TMEM40: variants seen among roughly 807,000 people sequenced by gnomAD.
TMEM40 encodes transmembrane protein 40.
A neutral mutation model predicts 40.8 loss-of-function variants in TMEM40; 34 were observed. That is an observed-to-expected ratio of 0.83 (90% CI 0.63 to 1.11). The LOEUF (loss-of-function observed/expected upper bound fraction) is 1.11. TMEM40 is among the 50% of genes least tolerant of loss of function. The pLI, the probability that TMEM40 is intolerant of heterozygous loss-of-function variation, is 0.00. For missense variants in TMEM40, 296 were observed against 280.2 expected (o/e 1.06, Z -0.40); for synonymous variants, 106 against 107.0 (o/e 0.99, Z 0.06).
intron 11 of TMEM40, 56 bp from the exon 12 acceptor site, chr3:12,734,849 C>A: frequency 1.3e-6 from 2 of 1,567,518 alleles, no homozygotes; most frequent in South Asian, 1.2e-5. Context: ...CAGGCTTCAT[C>A]CCCACCATCA....
upstream of TMEM40, among the ~76,000 whole-genome samples, chr3:12,760,584 A>T (rs1243068356): frequency 6.6e-6 from 1 of 151,958 alleles, no homozygotes; most frequent in Non-Finnish European, 1.5e-5. Context: ...GCCTTATCTG[A>T]CCATCCTGCT....
chr3:12,747,311 C>G (rs995678911), intron 3 of TMEM40, among the ~76,000 whole-genome samples: 1 of 151,954 alleles, frequency 6.6e-6, no homozygotes, highest in African/African-American at 2.4e-5. Context: ...CCGGATCCCA[C>G]AAAGACCTCC....
At chr3:12,766,777 G>C (rs1160976412) in intron 1 of TMEM40, among the ~76,000 whole-genome samples, 1 of 152,178 alleles carries the variant, frequency 6.6e-6, no homozygotes, top group Non-Finnish European at 1.5e-5. Context: ...ACAGTTCACA[G>C]ATGCAGAAAC....
chr3:12,734,813 G>A lies in TMEM40; in HGVS notation c.683-20C>T, dbSNP rs748960905. The A allele has an allele frequency of 4.4e-6, 7 of 1,595,538 alleles. No homozygotes were observed. Among genetic ancestry groups the A allele is most frequent in the African/African-American group, 1.3e-5 (1 of 74,442 alleles). ...TGAACCCTGGAAGGCAAAGACCACA[G>A]GATGGCATGGGATTCTGAAGGCAGC... On this transcript the variant is annotated intron_variant, in intron 11 of 11. Transcript: ENST00000314124.
intron 10 of TMEM40, 66 bp downstream of exon 10, chr3:12,736,512 T>C: frequency 6.6e-7 from 1 of 1,519,056 alleles, no homozygotes; most frequent in East Asian, 2.5e-5. Flanking sequence ...AGTATGAAAA[T>C]GAATATTTCT....
rs935802110 is a variant in TMEM40 at position 12,734,221 on chromosome 3, G to C, written c.*553C>G. ...AGCCCCCATGCCTGGCTGCCATTTA[G>C]TTTCTGATGATCATTTTCCTGCCTT... On this transcript the variant is annotated 3_prime_UTR_variant, in exon 12 of 12. Transcript: ENST00000314124. 6.6e-6 allele frequency: 1 copy of C among 152,170 alleles called. No homozygotes were observed. The highest frequency in any genetic ancestry group is 1.5e-5 in the Non-Finnish European group (1 of 68,138). The allele number at this position is 152,170 out of a possible 1,614,324, so 9.4% of individuals were successfully genotyped here.
intron 1 of TMEM40, among the ~76,000 whole-genome samples, chr3:12,768,026 T>C (rs957702902): frequency 2.6e-5 from 4 of 152,120 alleles, no homozygotes; most frequent in Non-Finnish European, 1.5e-5. Flanking sequence ...TCTCACTGAC[T>C]TCAAGAATGA....
chr3:12,761,097 G>A (rs984741902), upstream of TMEM40, among the ~76,000 whole-genome samples: 8 of 152,218 alleles, frequency 5.3e-5, no homozygotes, highest in Non-Finnish European at 8.8e-5. Flanking sequence ...GTGTTCCAAG[G>A]ATATTCCATG....
upstream of TMEM40, among the ~76,000 whole-genome samples, chr3:12,762,434 G>A (rs1413236694): frequency 6.6e-6 from 1 of 152,176 alleles, no homozygotes; most frequent in Non-Finnish European, 1.5e-5. Context: ...CTGTGAGGGT[G>A]AGGGGGACCC....
intron 1 of TMEM40, among the ~76,000 whole-genome samples, chr3:12,764,941 G>A (rs1168731993): frequency 2.6e-5 from 4 of 151,720 alleles, no homozygotes; most frequent in African/African-American, 7.3e-5. Flanking sequence ...GCGCAATCTC[G>A]GCTCACTGCA....
chr3:12,741,865 C>T lies in TMEM40; in HGVS notation c.355+589G>A, dbSNP rs556694787. Among the ~76,000 whole-genome samples the T allele has an allele frequency of 3.6e-3, 550 of 152,030 alleles. 3 individuals carry two copies. The highest frequency in any genetic ancestry group is 0.012 in the African/African-American group (514 of 41,488). ...ATTCTGGCACTTTGGGAGGCCAAGGCCGGAGGATCACTTGAGCTCAGTAGT... is the reference window on the plus strand; with the variant it reads ...ATTCTGGCACTTTGGGAGGCCAAGGTCGGAGGATCACTTGAGCTCAGTAGT... On this transcript the variant is annotated intron_variant, in intron 5 of 11. Coordinates refer to ENST00000314124, the MANE Select transcript of TMEM40 (RefSeq NM_018306.4).
At chr3:12,738,619 C>A (rs1425762287) in intron 5 of TMEM40, 31 bp from the exon 6 acceptor site, 8 of 1,605,628 alleles carry the variant, frequency 5.0e-6, no homozygotes, top group Admixed American at 1.7e-5. Flanking sequence ...TGATCATATA[C>A]CCATGATCCT....
intron 3 of TMEM40, among the ~76,000 whole-genome samples, chr3:12,745,960 C>T (rs1033369229): frequency 1.3e-5 from 2 of 151,558 alleles, no homozygotes; most frequent in Non-Finnish European, 2.9e-5. Flanking sequence ...TGCAGCGGTG[C>T]AATCTCAGCT....
intron 5 of TMEM40, chr3:12,739,139 G>C (rs867332092): frequency 6.5e-6 from 1 of 152,764 alleles, no homozygotes; most frequent in African/African-American, 2.4e-5. Context: ...GCGACAGAGC[G>C]ATACTCCATC....
Position 12,755,060 on chromosome 3 carries a change from C to CTTCTTTCCTTCT in TMEM40, c.-9+4119_-9+4130dup, listed in dbSNP as rs1306462614. On this transcript the variant is annotated intron_variant, in intron 1 of 11. Transcript: ENST00000314124. ...CCTCCTTTCTTTCTTCCTTTCCTTCCTTCTTTCCTTCTTTCTTTCCTCTCT... is the reference window on the plus strand; with the variant it reads ...CCTCCTTTCTTTCTTCCTTTCCTTCCTTCTTTCCTTCTTTCTTTCCTTCTTTCTTTCCTCTCT... Among the ~76,000 whole-genome samples, 4 of 132,806 alleles carry CTTCTTTCCTTCT rather than the reference C, an allele frequency of 3.0e-5. No individual in the cohort carries two copies. The Admixed American group carries it at 3.5e-4, about 12-fold the overall frequency. 87.1% of individuals were successfully genotyped at this position (132,806 alleles called of 152,430 possible).
intron 7 of TMEM40, 142 bp downstream of exon 7, chr3:12,737,993 TC>T: frequency 1.8e-6 from 2 of 1,125,446 alleles, no homozygotes; most frequent in East Asian, 2.6e-5. Context: ...GCACTGGAGA[TC>T]CCCCTTCTGA....
chr3:12,736,600 G>A lies in TMEM40; in HGVS notation c.597C>T (p.Thr199=), dbSNP rs975450770. 4 of 1,561,292 alleles carry A rather than the reference G, an allele frequency of 2.6e-6. No homozygotes were observed. In the East Asian group the frequency reaches 7.2e-5, roughly 28 times the overall value. Reference sequence around the variant, plus strand: ...TACCTAGTCCGAAGTAGATGCCAACGGTTTCCAGGGAGGCGAAGGTGAGCA... The same window carrying A: ...TACCTAGTCCGAAGTAGATGCCAACAGTTTCCAGGGAGGCGAAGGTGAGCA... ...VGLLTFASLE[T]VGIYFGLVYR... Residue 199 remains threonine (T), a synonymous_variant, in exon 10 of 12, where the codon ACC becomes ACT. Coordinates refer to ENST00000314124, the MANE Select transcript of TMEM40 (RefSeq NM_018306.4).
At chr3:12,742,896 A>C (rs2061394959) in intron 4 of TMEM40, among the ~76,000 whole-genome samples, 1 of 152,196 alleles carries the variant, frequency 6.6e-6, no homozygotes, top group Admixed American at 6.5e-5. Context: ...AGATAAGGAC[A>C]CTGAGGCTCA....
chr3:12,755,768 G>T (rs545818877), intron 1 of TMEM40, among the ~76,000 whole-genome samples: 2 of 152,298 alleles, frequency 1.3e-5, no homozygotes, highest in South Asian at 4.2e-4. Flanking sequence ...GCCCCACAAG[G>T]CAGACAGGTT....
Sources: allele counts gnomAD v4.1 joint callset (sites outside exome capture counted in the v4.1 genomes callset), GRCh38; gene constraint gnomAD v4.1.1; transcripts MANE v1.5; gene names NCBI Gene and HGNC (gene_info 2026-07-23, HGNC 2026-07-21).